CYSTM1: variants seen among roughly 807,000 people sequenced by gnomAD.
CYSTM1 encodes cysteine rich transmembrane module containing 1.
A neutral mutation model predicts 13.1 loss-of-function variants in CYSTM1; 4 were observed. That is an observed-to-expected ratio of 0.31 (90% CI 0.15 to 0.70). The LOEUF (loss-of-function observed/expected upper bound fraction) is 0.70. Ranked by LOEUF, CYSTM1 falls within the 30% of genes least tolerant of loss-of-function variation. The pLI, the probability that CYSTM1 is intolerant of heterozygous loss-of-function variation, is 0.72. For missense variants in CYSTM1, 96 were observed against 121.6 expected, an observed-to-expected ratio of 0.79 and a Z score of 0.99; for synonymous variants, 36 against 42.7, an observed-to-expected ratio of 0.84 and a Z score of 0.62.
chr5:140,233,684 T>G (rs1371091017), intron 2 of CYSTM1, among the ~76,000 whole-genome samples: 2 of 152,240 alleles, frequency 1.3e-5, no homozygotes, highest in Non-Finnish European at 2.9e-5. Context: ...TCTGATTGTA[T>G]GTAGTGGCAT....
chr5:140,177,091 C>G (rs1763900647), intron 1 of CYSTM1, among the ~76,000 whole-genome samples: 1 of 126,342 alleles, frequency 7.9e-6, no homozygotes, highest in Non-Finnish European at 1.7e-5. Flanking sequence ...AAAAAAATCT[C>G]TAGTCCTTTC....
intron 2 of CYSTM1, among the ~76,000 whole-genome samples, chr5:140,235,850 ACT>A (rs1439346769): frequency 2.6e-5 from 4 of 151,896 alleles, no homozygotes; most frequent in Non-Finnish European, 5.9e-5. Context: ...GCATTACAAG[ACT>A]CTAGCAGAAG....
chr5:140,217,790 A>G (rs547717358), intron 2 of CYSTM1, among the ~76,000 whole-genome samples: 50 of 152,258 alleles, frequency 3.3e-4, no homozygotes, highest in Non-Finnish European at 6.2e-4. Context: ...GGCTTTTCCA[A>G]CTGAGGTAAG....
At chr5:140,202,739 G>C (rs927438627) in intron 2 of CYSTM1, 2 of 152,212 alleles carry the variant, frequency 1.3e-5, no homozygotes, top group Non-Finnish European at 1.5e-5. Context: ...CAGTGCTTTA[G>C]AAGGGAGAAA....
intron 2 of CYSTM1, among the ~76,000 whole-genome samples, chr5:140,204,427 C>T (rs1764271932): frequency 6.6e-6 from 1 of 152,134 alleles, no homozygotes. Context: ...CTTCATTATG[C>T]CCTGCTGCTG....
chr5:140,233,585 G>A (rs1160160728), intron 2 of CYSTM1, among the ~76,000 whole-genome samples: 1 of 152,210 alleles, frequency 6.6e-6, no homozygotes, highest in East Asian at 1.9e-4. Context: ...CTTTGGCATC[G>A]TGCGTTCCTA....
chr5:140,229,426 AATTTAAGCG>A (rs1764595550), intron 2 of CYSTM1, among the ~76,000 whole-genome samples: 1 of 152,074 alleles, frequency 6.6e-6, no homozygotes, highest in Admixed American at 6.6e-5. Context: ...TGAACTCCTG[AATTTAAGCG>A]ATCCACCTGA....
intron 2 of CYSTM1, among the ~76,000 whole-genome samples, chr5:140,215,119 C>CT (rs914913264): frequency 3.3e-5 from 5 of 152,282 alleles, no homozygotes; most frequent in African/African-American, 4.8e-5. Flanking sequence ...AAACTGACAG[C>CT]TTTTTTTCAT....
chr5:140,179,324 C>G (rs1162447191), intron 1 of CYSTM1, among the ~76,000 whole-genome samples: 1 of 150,724 alleles, frequency 6.6e-6, no homozygotes, highest in African/African-American at 2.4e-5. Flanking sequence ...TTTGGGAGGC[C>G]GAGGTGGGTG....
At chr5:140,197,040 T>C (rs1048047373) in intron 2 of CYSTM1, among the ~76,000 whole-genome samples, 1 of 152,242 alleles carries the variant, frequency 6.6e-6, no homozygotes. Context: ...ATTTGAGTTA[T>C]CCGGTAGACT....
chr5:140,179,669 C>CTTTTCTTTTCTT (rs139273558), intron 1 of CYSTM1, among the ~76,000 whole-genome samples: 1 of 149,432 alleles, frequency 6.7e-6, no homozygotes. Flanking sequence ...TCTTTCTTTT[C>CTTTTCTTTTCTT]TTTTCTTTTG....
At chr5:140,207,190 AAG>A (rs971239427) in intron 2 of CYSTM1, among the ~76,000 whole-genome samples, 2 of 151,630 alleles carry the variant, frequency 1.3e-5, no homozygotes, top group African/African-American at 4.8e-5. Context: ...TTGCTATGAG[AAG>A]AGAGAGAGAG....
At chr5:140,231,072 A>G (rs1409231611) in intron 2 of CYSTM1, among the ~76,000 whole-genome samples, 1 of 152,196 alleles carries the variant, frequency 6.6e-6, no homozygotes, top group Non-Finnish European at 1.5e-5. Flanking sequence ...CATATTTACA[A>G]TATTGTCTTC....
chr5:140,243,224 C>T, intron 2 of CYSTM1, 81 bp from the exon 3 acceptor site: 1 of 1,128,158 alleles, frequency 8.9e-7, no homozygotes, highest in South Asian at 1.3e-5. Context: ...TGTAGCCTTC[C>T]TGTGGTCCTG....
At chr5:140,188,722 T>C (rs1279510092) in intron 1 of CYSTM1, among the ~76,000 whole-genome samples, 2 of 139,004 alleles carry the variant, frequency 1.4e-5, no homozygotes, top group Non-Finnish European at 3.0e-5. Flanking sequence ...GAGCTTGCAG[T>C]GAGCCGAGAT....
chr5:140,194,348 C>A, intron 1 of CYSTM1, 98 bp from the exon 2 acceptor site: 1 of 1,191,862 alleles, frequency 8.4e-7, no homozygotes, highest in Non-Finnish European at 1.2e-6. Flanking sequence ...CTTGATACAC[C>A]TTGAAGGTAT....
chr5:140,180,330 T>G (rs949096063), intron 1 of CYSTM1, among the ~76,000 whole-genome samples: 3 of 152,122 alleles, frequency 2.0e-5, no homozygotes, highest in Non-Finnish European at 2.9e-5. Flanking sequence ...ACTTCTGACA[T>G]TTGTTGGCCA....
At chr5:140,191,571 G>C (rs1003486906) in intron 1 of CYSTM1, among the ~76,000 whole-genome samples, 1 of 152,176 alleles carries the variant, frequency 6.6e-6, no homozygotes, top group African/African-American at 2.4e-5. Flanking sequence ...GAGGTCTGAA[G>C]TTGTAGTTCA....
chr5:140,226,193 T>C (rs1764546978), intron 2 of CYSTM1, among the ~76,000 whole-genome samples: 1 of 152,094 alleles, frequency 6.6e-6, no homozygotes, highest in Non-Finnish European at 1.5e-5. Flanking sequence ...CCAGCAACCC[T>C]ATGATGGGGT....
Sources: allele counts gnomAD v4.1 joint callset (sites outside exome capture counted in the v4.1 genomes callset), GRCh38; gene constraint gnomAD v4.1.1; transcripts MANE v1.5; gene names NCBI Gene and HGNC (gene_info 2026-07-23, HGNC 2026-07-21).